The following AASS variants were observed in gnomAD, a reference collection of about 807,000 sequenced individuals.
AASS encodes the protein alpha-aminoadipic semialdehyde synthase, mitochondrial.
Under a neutral mutation model 105.4 loss-of-function variants are expected in AASS, and 86 were observed. The observed-to-expected ratio is 0.82, with a 90% CI of 0.69 to 0.98. The LOEUF (loss-of-function observed/expected upper bound fraction) is 0.98. Ranked by LOEUF, AASS falls within the 50% of genes least tolerant of loss-of-function variation. The probability of loss-of-function intolerance (pLI) is 0.00; values close to 1 mark genes in which losing one functional copy is unlikely to be tolerated. For synonymous variants in AASS, 381 were observed against 394.8 expected (o/e 0.96, Z 0.41); for missense variants, 1,048 against 1,143.2 (o/e 0.92, Z 1.20).
In AASS at chr7:122,076,459, G is replaced by T; in HGVS notation, c.*30C>A. 6.8e-7 allele frequency: 1 copy of T among 1,469,070 alleles called. No individual in the cohort carries two copies. Among genetic ancestry groups the T allele is most frequent in the South Asian group, 1.1e-5 (1 of 88,244 alleles). The allele number at this position is 1,469,070 out of a possible 1,614,324, so 91.0% of individuals were successfully genotyped here. A position where few individuals can be genotyped will look rare whatever the true frequency, so the allele number is the denominator to read the frequency against. ...ACACATGTTCAGAGGTGTATTGCCT[G>T]GGAAGAAAAAAACAAAATATAATTC... On this transcript the variant is annotated 3_prime_UTR_variant, in exon 24 of 24. Transcript: ENST00000417368.
chr7:122,130,883 C>A (rs1795877878), intron 2 of AASS, among the ~76,000 whole-genome samples: 1 of 151,768 alleles, frequency 6.6e-6, no homozygotes, highest in African/African-American at 2.4e-5. Context: ...GAAATGAAAT[C>A]TCTCTAAGAA....
chr7:122,089,745 G>C (rs1270894685), intron 18 of AASS, among the ~76,000 whole-genome samples: 1 of 152,198 alleles, frequency 6.6e-6, no homozygotes, highest in Non-Finnish European at 1.5e-5. Flanking sequence ...GGCAGAGCTA[G>C]AGCACAAAGC....
At chr7:122,136,359 T>C in intron 1 of AASS, among the ~76,000 whole-genome samples, 1 of 152,134 alleles carries the variant, frequency 6.6e-6, no homozygotes, top group East Asian at 1.9e-4. Flanking sequence ...TTTAGGAAGA[T>C]GGCCAAGAAG....
At chr7:122,125,032 C>T (rs769949516) in intron 4 of AASS, among the ~76,000 whole-genome samples, 5 of 152,112 alleles carry the variant, frequency 3.3e-5, no homozygotes, top group Non-Finnish European at 7.4e-5. Flanking sequence ...AAGCAATTCT[C>T]ATGCCTCAAC....
Position 122,116,756 on chromosome 7 carries a change from G to C in AASS, c.771C>G (p.Leu257=). The stretch of plus-strand genomic sequence containing the variant: ...TTAACACCGTCCCATACACTTTTCT[G>C]AGGTCTTGAAAAGGAGAAAGAAATT... The part of the protein sequence containing the change: ...ELKEVSQTGD[L]RKVYGTVLSR... The change falls in exon 8 of 24, where the codon CTC becomes CTG. Residue 257 remains leucine (L), a synonymous_variant. Coordinates refer to ENST00000417368, the MANE Select transcript of AASS (RefSeq NM_005763.4). 6.2e-7 allele frequency: 1 copy of C among 1,614,018 alleles called. No homozygotes were observed. The highest frequency in any genetic ancestry group is 1.1e-5 in the South Asian group (1 of 91,082).
intron 3 of AASS, among the ~76,000 whole-genome samples, chr7:122,128,920 T>C (rs1795782073): frequency 6.6e-6 from 1 of 152,004 alleles, no homozygotes; most frequent in Non-Finnish European, 1.5e-5. Flanking sequence ...CTACTAAAAA[T>C]ACAAAAAATT....
At position 122,122,037 on chromosome 7, in the gene AASS, T is replaced by A. The variant is rs549090321; in HGVS notation, c.473-3407A>T. ...ACTGTTTCTGATTAGAAGTTTGATG[T>A]TTATCGTAGTTATTCTATGTATATG... On this transcript the variant is annotated intron_variant, in intron 4 of 23. Coordinates refer to ENST00000417368, the MANE Select transcript of AASS (RefSeq NM_005763.4). Among the ~76,000 whole-genome samples, 291 of 152,340 alleles carry A rather than the reference T, an allele frequency of 1.9e-3. 4 individuals are homozygous for A. Among genetic ancestry groups the A allele is most frequent in the Admixed American group, 0.018 (275 of 15,302 alleles).
At chr7:122,076,945 T>C (rs924056829) in intron 23 of AASS, among the ~76,000 whole-genome samples, 4 of 152,162 alleles carry the variant, frequency 2.6e-5, no homozygotes, top group African/African-American at 7.2e-5. Context: ...CTTGCTAATG[T>C]CATTTTTTTT....
intron 22 of AASS, among the ~76,000 whole-genome samples, chr7:122,078,403 G>C (rs1263844915): frequency 6.6e-6 from 1 of 151,856 alleles, no homozygotes; most frequent in Non-Finnish European, 1.5e-5. Context: ...CACGAGGTCA[G>C]GAGATGAAGA....
chr7:122,101,408 C>T lies in AASS; in HGVS notation c.1369G>A (p.Asp457Asn). Residue 457 changes from aspartate (D) to asparagine (N), a missense_variant, in exon 13 of 24, where the codon GAT becomes AAT. Transcript: ENST00000417368. ...AVITSNGTLP[D>N]KYKYIQTLRE... ...AGTGTCTGGATATATTTATATTTATCAGGTAATGTACCGTTGGATGTAATC... is the reference window on the plus strand; with the variant it reads ...AGTGTCTGGATATATTTATATTTATTAGGTAATGTACCGTTGGATGTAATC... 6.2e-7 allele frequency: 1 copy of T among 1,610,302 alleles called. No homozygotes were observed. The highest frequency in any genetic ancestry group is 1.7e-4 in the Middle Eastern group (1 of 6,044).
chr7:122,128,984 A>G (rs1262017075), intron 3 of AASS, among the ~76,000 whole-genome samples: 1 of 152,186 alleles, frequency 6.6e-6, no homozygotes, highest in African/African-American at 2.4e-5. Context: ...AGGCTGAGGC[A>G]GGAGAATCAC....
chr7:122,111,570 T>C (rs1277001220), intron 11 of AASS, among the ~76,000 whole-genome samples: 1 of 152,172 alleles, frequency 6.6e-6, no homozygotes, highest in African/African-American at 2.4e-5. Flanking sequence ...ACTTAAACAT[T>C]TACCATTATA....
chr7:122,076,563 T>C lies in AASS; in HGVS notation c.2707A>G (p.Ile903Val), dbSNP rs1793023749. The change falls in exon 24 of 24, where the codon ATC becomes GTC. Residue 903 changes from isoleucine (I) to valine (V), a missense_variant. By Grantham distance (29) the Ile-to-Val change is conservative. Transcript: ENST00000417368. ...ATTCGCTCCAATATTGGTCCATAGA[T>C]CTCCTTTGAAAAGGGCCCCATTAGG... ...KGLMGPFSKEIYGPILERIKA... is the reference protein window; with the variant it reads ...KGLMGPFSKEVYGPILERIKA... 2 of 1,613,808 alleles carry C rather than the reference T, an allele frequency of 1.2e-6. No individual in the cohort carries two copies. Among genetic ancestry groups the C allele is most frequent in the South Asian group, 1.1e-5 (1 of 91,078 alleles).
chr7:122,130,887 C>T (rs1452435771), intron 2 of AASS, among the ~76,000 whole-genome samples: 6 of 151,822 alleles, frequency 4.0e-5, no homozygotes, highest in Non-Finnish European at 7.4e-5. Flanking sequence ...TGAAATCTCT[C>T]TAAGAACTTA....
At chr7:122,130,865 CATGAA>C (rs779691388) in intron 2 of AASS, among the ~76,000 whole-genome samples, 10 of 151,776 alleles carry the variant, frequency 6.6e-5, no homozygotes, top group Non-Finnish European at 1.0e-4. Context: ...ATCACACAGC[CATGAA>C]ATGAAATGAA....
At chr7:122,110,546 G>GT (rs1268978999) in intron 11 of AASS, among the ~76,000 whole-genome samples, 1 of 151,748 alleles carries the variant, frequency 6.6e-6, no homozygotes, top group South Asian at 2.1e-4. Flanking sequence ...CTAATGAATT[G>GT]TATCAAGTAG....
rs182634972 is a variant in AASS at position 122,075,821 on chromosome 7, G to A, written c.*668C>T. ...AAAAAGGGCATAAAATAGCATTTTGGCAAAAACTTAACTTAGGTAATCTGA... is the reference window on the plus strand; with the variant it reads ...AAAAAGGGCATAAAATAGCATTTTGACAAAAACTTAACTTAGGTAATCTGA... On this transcript the variant is annotated 3_prime_UTR_variant, in exon 24 of 24. Transcript: ENST00000417368. 5.3e-5 allele frequency: 8 copies of A among 151,960 alleles called. No individual in the cohort carries two copies. Among genetic ancestry groups the A allele is most frequent in the African/African-American group, 1.4e-4 (6 of 41,452 alleles). 9.4% of individuals were successfully genotyped at this position (151,960 alleles called of 1,614,324 possible).
At chr7:122,106,749 G>T (rs1371359590) in intron 11 of AASS, among the ~76,000 whole-genome samples, 21 of 151,846 alleles carry the variant, frequency 1.4e-4, no homozygotes, top group Admixed American at 1.4e-3. Flanking sequence ...ATATAAAATG[G>T]TGTAAATCAA....
chr7:122,116,569 T>C, intron 8 of AASS, 64 bp downstream of exon 8: 3 of 1,604,742 alleles, frequency 1.9e-6, no homozygotes, highest in Middle Eastern at 1.7e-4. Context: ...ATTTCTCTCC[T>C]TGAAAATAGC....
Sources: gnomAD v4.1 joint callset for allele counts (sites outside exome capture counted in the v4.1 genomes callset) on GRCh38, gnomAD v4.1.1 for gene constraint, MANE v1.5 for transcripts, NCBI Gene and HGNC (gene_info 2026-07-23, HGNC 2026-07-21) for gene names.